Variants in HECTD4 observed in about 807,000 individuals in gnomAD.
The protein encoded by HECTD4 is HECT domain E3 ubiquitin protein ligase 4, also known as probable E3 ubiquitin-protein ligase HECTD4.
Under a neutral mutation model 471.5 loss-of-function variants are expected in HECTD4, and 114 were observed. That is an observed-to-expected ratio of 0.24 (90% CI 0.21 to 0.28). The LOEUF (loss-of-function observed/expected upper bound fraction) is 0.28, where lower values mean the gene tolerates loss of function less well. HECTD4 is among the 10% of genes least tolerant of loss of function. The pLI is 1.00. For synonymous variants in HECTD4, 2,012 were observed against 2,256.0 expected, an observed-to-expected ratio of 0.89 and a Z score of 3.07; for missense variants, 3,866 against 5,651.5, an observed-to-expected ratio of 0.68 and a Z score of 10.13.
Position 112,179,473 on chromosome 12 carries a change from C to T in HECTD4, c.10988-76G>A, listed in dbSNP as rs928685720. ...ACAAGCCCTGCGAGCATTCTGTTTCCAAACACTGTTTGAAAGGGGCAGTGG... is the reference window on the plus strand; with the variant it reads ...ACAAGCCCTGCGAGCATTCTGTTTCTAAACACTGTTTGAAAGGGGCAGTGG... On this transcript the variant is annotated intron_variant, in intron 62 of 75. Coordinates refer to ENST00000682272, the MANE Select transcript of HECTD4 (RefSeq NM_001388303.1). This position sits in a 1 kb window ranked among gnomAD's most constrained non-coding sequence, Gnocchi z 4.3. 5 of 1,313,772 alleles carry T rather than the reference C, an allele frequency of 3.8e-6. No individual in the cohort carries two copies. The highest frequency in any genetic ancestry group is 2.9e-5 in the African/African-American group (2 of 68,352). 81.4% of individuals were successfully genotyped at this position (1,313,772 alleles called of 1,614,324 possible). A position where few individuals can be genotyped will look rare whatever the true frequency, so the allele number is the denominator to read the frequency against.
intron 45 of HECTD4, among the ~76,000 whole-genome samples, chr12:112,217,941 T>C (rs1202167730): frequency 6.6e-6 from 1 of 152,150 alleles, no homozygotes; most frequent in African/African-American, 2.4e-5. Context: ...ATCATAAAAA[T>C]CTCAAGCTTC....
intron 25 of HECTD4, among the ~76,000 whole-genome samples, chr12:112,249,171 G>A (rs2033824086): frequency 6.6e-6 from 1 of 151,944 alleles, no homozygotes; most frequent in South Asian, 2.1e-4. Flanking sequence ...ACTGGCCAAC[G>A]TGGAGAAACC....
At chr12:112,266,035 C>T (rs1294096358) in intron 14 of HECTD4, 52 bp from the exon 15 acceptor site, 2 of 1,264,482 alleles carry the variant, frequency 1.6e-6, no homozygotes, top group Non-Finnish European at 2.3e-6. Context: ...TCCTAGAATA[C>T]TGATGCTATT....
At chr12:112,298,582 C>T (rs1329731675) in intron 7 of HECTD4, among the ~76,000 whole-genome samples, 1 of 151,066 alleles carries the variant, frequency 6.6e-6, no homozygotes, top group Non-Finnish European at 1.5e-5. Context: ...TGCCTCAAGC[C>T]TCCCAAAGTG....
At chr12:112,204,797 A>G (rs1566071382) in intron 52 of HECTD4, among the ~76,000 whole-genome samples, 174 bp from the exon 53 acceptor site, 1 of 152,144 alleles carries the variant, frequency 6.6e-6, no homozygotes, top group South Asian at 2.1e-4. Flanking sequence ...GGAATACTAA[A>G]TGTACTACTT....
intron 8 of HECTD4, among the ~76,000 whole-genome samples, chr12:112,280,554 G>C (rs2034615038): frequency 6.6e-6 from 1 of 151,654 alleles, no homozygotes; most frequent in Non-Finnish European, 1.5e-5. Context: ...TGTTTTGAAT[G>C]CTTGTGCTTC....
rs2032187216 is a variant in HECTD4 at position 112,194,882 on chromosome 12, T to C, written c.8749+3A>G. 6.2e-7 allele frequency: 1 copy of C among 1,602,676 alleles called. No homozygotes were observed. On this transcript the variant is annotated splice_donor_region_variant and intron_variant, in intron 56 of 75. Transcript: ENST00000682272. This position sits in a 1 kb window ranked among gnomAD's most constrained non-coding sequence, Gnocchi z 4.6. ...GAGTGACAGCAGCAAAGCCAAGTTT[T>C]ACCTGGGAGAGGAGGTGCGAGGAGC...
intron 55 of HECTD4, among the ~76,000 whole-genome samples, chr12:112,197,260 A>G (rs895281174): frequency 1.3e-5 from 2 of 152,230 alleles, no homozygotes; most frequent in East Asian, 1.9e-4. Flanking sequence ...GACACTGTAC[A>G]CTGCTAATGC....
intron 7 of HECTD4, among the ~76,000 whole-genome samples, chr12:112,292,229 A>G (rs1044943729): frequency 1.3e-5 from 2 of 152,164 alleles, no homozygotes; most frequent in African/African-American, 2.4e-5. Flanking sequence ...CCTCATGCCT[A>G]TCTCAGGGGC....
rs1338422874 is a variant in HECTD4 at position 112,160,304 on chromosome 12, T to C, written c.*2083A>G. On this transcript the variant is annotated 3_prime_UTR_variant, in exon 76 of 76. Transcript: ENST00000682272. The stretch of plus-strand genomic sequence containing the variant: ...CAGCAAGAGTAGATGATCACACAAC[T>C]CTTAAGGTAAATCAAAATTAGATGA... 1 of 152,104 alleles carries C rather than the reference T, an allele frequency of 6.6e-6. No individual in the cohort carries two copies. The highest frequency in any genetic ancestry group is 1.9e-4 in the East Asian group (1 of 5,202). 9.4% of individuals were successfully genotyped at this position (152,104 alleles called of 1,614,324 possible).
intron 1 of HECTD4, among the ~76,000 whole-genome samples, chr12:112,379,717 T>TTATATATA (rs56053560): frequency 2.4e-4 from 36 of 147,474 alleles, no homozygotes; most frequent in African/African-American, 8.7e-4. Context: ...AAAAGATTTT[T>TTATATATA]TATATATATA....
At chr12:112,262,524 A>AC (rs1298635762) in intron 17 of HECTD4, among the ~76,000 whole-genome samples, 1 of 148,940 alleles carries the variant, frequency 6.7e-6, no homozygotes, top group Non-Finnish European at 1.5e-5. Flanking sequence ...TCAAAAAAAA[A>AC]AAAAAAAAAA....
intron 9 of HECTD4, among the ~76,000 whole-genome samples, chr12:112,278,422 C>T (rs936760637): frequency 4.6e-5 from 7 of 152,196 alleles, no homozygotes; most frequent in African/African-American, 1.4e-4. Flanking sequence ...ACTATGTGTG[C>T]ACTCTGAAGC....
Position 112,183,168 on chromosome 12 carries a change from C to T in HECTD4, c.10878G>A (p.Met3626Ile). The T allele has an allele frequency of 6.2e-7, 1 of 1,613,588 alleles. No homozygotes were observed. Among genetic ancestry groups the T allele is most frequent in the Non-Finnish European group, 8.5e-7 (1 of 1,179,512 alleles). The change falls in exon 62 of 76, where the codon ATG becomes ATA. Residue 3626 changes from methionine to isoleucine, a missense_variant. By Grantham distance (10) the Met-to-Ile change is conservative. This residue lies in a region of HECTD4 where 715 missense variants were observed against 1,087.6 expected (regional missense o/e 0.66). Coordinates refer to ENST00000682272, the MANE Select transcript of HECTD4 (RefSeq NM_001388303.1). ...LSSLDGEDEL[M>I]EMSTEEILTV... ...TTAGAATCTCTTCTGTTGACATTTC[C>T]ATCAATTCATCTTCACCATCCAAAC...
At chr12:112,271,591 A>G (rs1256036886) in intron 11 of HECTD4, among the ~76,000 whole-genome samples, 3 of 152,154 alleles carry the variant, frequency 2.0e-5, no homozygotes, top group Non-Finnish European at 4.4e-5. Context: ...AGGAAATTCT[A>G]TTCTGCAAAT....
chr12:112,352,966 G>A (rs1352899821), intron 1 of HECTD4, among the ~76,000 whole-genome samples: 1 of 152,196 alleles, frequency 6.6e-6, no homozygotes, highest in East Asian at 1.9e-4. Context: ...GACCTTGTCT[G>A]TAATGAAGAA....
intron 3 of HECTD4, among the ~76,000 whole-genome samples, chr12:112,314,186 G>A (rs576516798): frequency 2.0e-5 from 3 of 152,014 alleles, no homozygotes; most frequent in East Asian, 1.9e-4. Flanking sequence ...CCACAGGCAC[G>A]CACCACCACA....
rs776244227 is a variant in HECTD4 at position 112,208,478 on chromosome 12, C to G, written c.8004+16G>C. 7.0e-6 allele frequency: 11 copies of G among 1,567,218 alleles called. No individual in the cohort carries two copies. Among genetic ancestry groups the G allele is most frequent in the Middle Eastern group, 1.7e-4 (1 of 5,812 alleles). On this transcript the variant is annotated intron_variant, in intron 51 of 75. Coordinates refer to ENST00000682272, the MANE Select transcript of HECTD4 (RefSeq NM_001388303.1). ...AAATGCTGCTGAGTCCTGATCTAAG[C>G]CTGTGGGTCTCTTACCTGAGGGATG...
chr12:112,382,322 G>A lies in HECTD4; in HGVS notation c.-194C>T, dbSNP rs2036911755. The A allele has an allele frequency of 2.1e-6, 1 of 470,320 alleles. No individual in the cohort carries two copies. Among genetic ancestry groups the A allele is most frequent in the Admixed American group, 4.6e-5 (1 of 21,752 alleles). 29.1% of individuals were successfully genotyped at this position (470,320 alleles called of 1,614,324 possible). The stretch of plus-strand genomic sequence containing the variant: ...CCCCGACCCCGGCCCGGGAGACCCC[G>A]GCCCTGCCGCCGCCGCCGCCGCCGC... On this transcript the variant is annotated 5_prime_UTR_variant, in exon 1 of 76. Transcript: ENST00000682272.
Sources: allele counts gnomAD v4.1 joint callset (sites outside exome capture counted in the v4.1 genomes callset), GRCh38; gene constraint gnomAD v4.1.1; regional missense constraint gnomAD v4.1.1; non-coding constraint Gnocchi (gnomAD v3.1); transcripts MANE v1.5; gene names NCBI Gene and HGNC (gene_info 2026-07-23, HGNC 2026-07-21).